The following KHDRBS2 variants were observed in gnomAD, a reference collection of about 807,000 sequenced individuals.
KHDRBS2 encodes KH domain-containing, RNA-binding, signal transduction-associated protein 2.
KHDRBS2 carries 26 observed loss-of-function variants against 44.3 expected under a neutral mutation model. The observed-to-expected ratio is 0.59, with a 90% CI of 0.43 to 0.81. The LOEUF is 0.81. KHDRBS2 is among the 40% of genes least tolerant of loss of function. The pLI, the probability that KHDRBS2 is intolerant of heterozygous loss-of-function variation, is 0.00. For missense variants in KHDRBS2, 476 were observed against 433.1 expected (o/e 1.10, Z -0.88); for synonymous variants, 194 against 151.1 (o/e 1.28, Z -2.08).
intron 1 of KHDRBS2, among the ~76,000 whole-genome samples, chr6:62,264,598 C>A (rs948692967): frequency 1.3e-5 from 2 of 151,624 alleles, no homozygotes; most frequent in African/African-American, 4.8e-5. Context: ...CAAGAATTCA[C>A]AAAAGACCGT....
intron 6 of KHDRBS2, among the ~76,000 whole-genome samples, chr6:61,772,100 C>A (rs4502917): frequency 0.64 from 97,424 of 152,010 alleles, 31,926 homozygotes; most frequent in African/African-American, 0.79. Flanking sequence ...TGAAGGCAGA[C>A]ATAAAGATGT....
At chr6:62,135,391 C>G (rs1811292692) in intron 2 of KHDRBS2, among the ~76,000 whole-genome samples, 1 of 152,118 alleles carries the variant, frequency 6.6e-6, no homozygotes, top group African/African-American at 2.4e-5. Flanking sequence ...ATGAGTTACC[C>G]AGTCTCAGGT....
intron 6 of KHDRBS2, among the ~76,000 whole-genome samples, chr6:61,781,117 T>G (rs1782862893): frequency 6.6e-6 from 1 of 152,202 alleles, no homozygotes; most frequent in African/African-American, 2.4e-5. Context: ...TAATCATTTT[T>G]ACATAATGCA....
At chr6:61,942,309 T>A (rs1812290465) in intron 4 of KHDRBS2, among the ~76,000 whole-genome samples, 2 of 151,902 alleles carry the variant, frequency 1.3e-5, no homozygotes, top group Non-Finnish European at 2.9e-5. Flanking sequence ...TATAAGACAA[T>A]CTTGAGAATT....
chr6:61,605,386 G>A, the KHDRBS2 span, among the ~76,000 whole-genome samples: 1 of 152,032 alleles, frequency 6.6e-6, no homozygotes, highest in Non-Finnish European at 1.5e-5. Context: ...ATATCTCCTG[G>A]TGCTATCCCC....
At chr6:61,850,142 A>G (rs531944883) in intron 6 of KHDRBS2, among the ~76,000 whole-genome samples, 26 of 151,942 alleles carry the variant, frequency 1.7e-4, no homozygotes, top group Non-Finnish European at 3.5e-4. Context: ...ATCTCCTACA[A>G]GGTAGAATGG....
intron 3 of KHDRBS2, among the ~76,000 whole-genome samples, chr6:62,035,972 A>C (rs1785204968): frequency 6.6e-6 from 1 of 152,012 alleles, no homozygotes; most frequent in African/African-American, 2.4e-5. Context: ...TCAATTTTCT[A>C]ACCTACAAAA....
intron 2 of KHDRBS2, among the ~76,000 whole-genome samples, chr6:62,070,460 G>C (rs1015257047): frequency 5.9e-5 from 9 of 151,714 alleles, no homozygotes; most frequent in African/African-American, 9.7e-5. Flanking sequence ...TTTAACATTA[G>C]GTATATCTCC....
At chr6:61,870,768 C>T (rs557541551) in intron 6 of KHDRBS2, among the ~76,000 whole-genome samples, 135 of 149,846 alleles carry the variant, frequency 9.0e-4, no homozygotes, top group African/African-American at 3.2e-3. Flanking sequence ...CTCCAGCAGA[C>T]GTGCAGCAGA....
At chr6:61,607,519 G>GAAAAAAAAAAAAAAA in the KHDRBS2 span, among the ~76,000 whole-genome samples, 63 of 23,260 alleles carry the variant, frequency 2.7e-3, 8 homozygotes, top group Non-Finnish European at 3.8e-3. Context: ...TGAGTTCCAA[G>GAAAAAAAAAAAAAAA]CAAAAAAAAA....
intron 6 of KHDRBS2, among the ~76,000 whole-genome samples, chr6:61,808,792 AT>A (rs1787602642): frequency 6.6e-6 from 1 of 152,062 alleles, no homozygotes; most frequent in Non-Finnish European, 1.5e-5. Flanking sequence ...CTGTATTGAT[AT>A]TTCATGTATC....
intron 6 of KHDRBS2, among the ~76,000 whole-genome samples, chr6:61,833,874 G>T (rs547493108): frequency 6.6e-6 from 1 of 152,042 alleles, no homozygotes; most frequent in African/African-American, 2.4e-5. Flanking sequence ...TTCTCTCTCT[G>T]TTTGCCTCTC....
At chr6:61,609,445 G>A in the KHDRBS2 span, among the ~76,000 whole-genome samples, 1 of 152,166 alleles carries the variant, frequency 6.6e-6, no homozygotes, top group Non-Finnish European at 1.5e-5. Flanking sequence ...CCATTTTTAT[G>A]TAGCTATTTA....
At chr6:62,208,703 A>T (rs1434676600) in intron 1 of KHDRBS2, among the ~76,000 whole-genome samples, 2 of 152,182 alleles carry the variant, frequency 1.3e-5, no homozygotes, top group African/African-American at 2.4e-5. Context: ...TACCAAGAGT[A>T]TACTAGGATT....
At chr6:62,030,601 G>C (rs1263379114) in intron 3 of KHDRBS2, among the ~76,000 whole-genome samples, 1 of 152,014 alleles carries the variant, frequency 6.6e-6, no homozygotes, top group Admixed American at 6.6e-5. Flanking sequence ...TAATTAAGAA[G>C]AGTCTTTCCT....
intron 4 of KHDRBS2, among the ~76,000 whole-genome samples, chr6:61,923,336 T>G (rs1240668809): frequency 6.6e-6 from 1 of 151,910 alleles, no homozygotes; most frequent in African/African-American, 2.4e-5. Flanking sequence ...AGTATAGTAA[T>G]GGACTATTAT....
At chr6:62,147,189 G>T (rs1418841933) in intron 2 of KHDRBS2, among the ~76,000 whole-genome samples, 6 of 151,632 alleles carry the variant, frequency 4.0e-5, no homozygotes, top group Non-Finnish European at 7.4e-5. Context: ...TTAGAAGTTT[G>T]CACTGTGTTG....
intron 2 of KHDRBS2, among the ~76,000 whole-genome samples, chr6:62,073,638 A>G (rs564318717): frequency 4.8e-5 from 7 of 147,298 alleles, no homozygotes; most frequent in African/African-American, 1.8e-4. Context: ...ATTAAGGTGG[A>G]AGTTTAGTTC....
At chr6:62,183,750 T>C (rs1411606531) in intron 1 of KHDRBS2, among the ~76,000 whole-genome samples, 2 of 151,628 alleles carry the variant, frequency 1.3e-5, no homozygotes, top group East Asian at 1.9e-4. Flanking sequence ...GAAATGAAAA[T>C]GACCTTGAAA....
Sources: gnomAD v4.1 joint callset for allele counts (sites outside exome capture counted in the v4.1 genomes callset) on GRCh38, gnomAD v4.1.1 for gene constraint, MANE v1.5 for transcripts, NCBI Gene and HGNC (gene_info 2026-07-23, HGNC 2026-07-21) for gene names.